MAU2: variants seen among roughly 807,000 people sequenced by gnomAD.
MAU2 encodes the protein MAU2 sister chromatid cohesion factor.
In MAU2, 9 loss-of-function variants were observed where a neutral mutation model predicts 89.1. The observed-to-expected ratio is 0.10, with a 90% confidence interval of 0.06 to 0.18. The LOEUF is 0.18. Ranked by LOEUF, MAU2 falls within the 10% of genes least tolerant of loss-of-function variation. MAU2 has a pLI of 1.00. For missense variants in MAU2, 425 were observed against 803.5 expected (o/e 0.53, Z 5.69); for synonymous variants, 357 against 343.4 (o/e 1.04, Z -0.44).
intron 1 of MAU2, 77 bp downstream of exon 1, chr19:19,321,212 G>A (rs539886810): frequency 1.4e-6 from 2 of 1,403,310 alleles, no homozygotes; most frequent in Admixed American, 2.9e-5. Flanking sequence ...CGACCGCGGC[G>A]GGTGGGGGGC....
At chr19:19,321,975 C>T (rs2061461957) in intron 1 of MAU2, 1 of 151,678 alleles carries the variant, frequency 6.6e-6, no homozygotes, top group Non-Finnish European at 1.5e-5. Context: ...GAGTGGCTGT[C>T]ATTCTGCCCT....
intron 1 of MAU2, among the ~76,000 whole-genome samples, chr19:19,330,437 AAGT>A (rs1207761198): frequency 1.3e-5 from 2 of 151,432 alleles, no homozygotes; most frequent in Non-Finnish European, 2.9e-5. Flanking sequence ...CTCTACAAAA[AAGT>A]AAAACAATTA....
intron 12 of MAU2, among the ~76,000 whole-genome samples, chr19:19,346,706 C>T (rs1046076348): frequency 7.9e-5 from 12 of 152,308 alleles, no homozygotes; most frequent in African/African-American, 2.6e-4. Context: ...ATAGATTGGA[C>T]CCTCTCTTGA....
intron 5 of MAU2, among the ~76,000 whole-genome samples, chr19:19,339,350 G>A (rs2061621876): frequency 6.6e-6 from 1 of 152,086 alleles, no homozygotes; most frequent in East Asian, 1.9e-4. Context: ...GGGAGGCTGA[G>A]GCAGGAGACT....
intron 1 of MAU2, among the ~76,000 whole-genome samples, chr19:19,333,343 A>T (rs1350953700): frequency 1.3e-5 from 2 of 152,194 alleles, no homozygotes; most frequent in Non-Finnish European, 2.9e-5. Context: ...AAAATTAGCC[A>T]GACGTGGTGG....
chr19:19,331,204 TA>T (rs199942794), intron 1 of MAU2, among the ~76,000 whole-genome samples: 7,203 of 142,750 alleles, frequency 0.05, 239 homozygotes, highest in East Asian at 0.12. Flanking sequence ...ATTACAAAGT[TA>T]AAAAAAAAAA....
At chr19:19,349,757 C>G (rs1029034473) in intron 16 of MAU2, among the ~76,000 whole-genome samples, 1 of 152,172 alleles carries the variant, frequency 6.6e-6, no homozygotes, top group Non-Finnish European at 1.5e-5. Flanking sequence ...GCAGCCACCC[C>G]ATGCTATGTG....
At chr19:19,340,177 AAAAAAAT>A (rs2061630682) in intron 5 of MAU2, among the ~76,000 whole-genome samples, 1 of 148,764 alleles carries the variant, frequency 6.7e-6, no homozygotes, top group Non-Finnish European at 1.5e-5. Flanking sequence ...AAAAAAAAAA[AAAAAAAT>A]TAACCAGGCA....
At chr19:19,348,856 C>G in intron 13 of MAU2, 33 bp from the exon 14 acceptor site, 1 of 1,611,518 alleles carries the variant, frequency 6.2e-7, no homozygotes. Context: ...TGTGAAGATG[C>G]AGAATGGTGC....
intron 1 of MAU2, among the ~76,000 whole-genome samples, chr19:19,331,953 A>G (rs535308451): frequency 1.3e-5 from 2 of 152,330 alleles, no homozygotes; most frequent in Admixed American, 1.3e-4. Flanking sequence ...GAGAAATCCC[A>G]TGCCATTTAG....
intron 12 of MAU2, 145 bp from the exon 13 acceptor site, chr19:19,347,135 C>A: frequency 1.6e-6 from 1 of 628,112 alleles, no homozygotes; most frequent in Non-Finnish European, 2.9e-6. Flanking sequence ...TATCCTTGAG[C>A]TTAGGAGGCA....
rs748453368 is a variant in MAU2, at chr19:19,342,759, T to C, written c.883-17T>C. ...GAGAGGGCCCTGGTAACCCCTGCTGTCTGGTCTTGTCGCTAGGTGACTGTG... is the reference window on the plus strand; with the variant it reads ...GAGAGGGCCCTGGTAACCCCTGCTGCCTGGTCTTGTCGCTAGGTGACTGTG... On this transcript the variant is annotated splice_polypyrimidine_tract_variant and intron_variant, in intron 8 of 18. Coordinates refer to ENST00000262815, the MANE Select transcript of MAU2 (RefSeq NM_015329.4). 1.1e-5 allele frequency: 18 copies of C among 1,613,940 alleles called. No homozygotes were observed. Among genetic ancestry groups the C allele is most frequent in the Non-Finnish European group, 1.5e-5 (18 of 1,179,944 alleles).
chr19:19,324,000 T>C (rs953683484), intron 1 of MAU2, among the ~76,000 whole-genome samples: 5 of 152,344 alleles, frequency 3.3e-5, no homozygotes, highest in African/African-American at 1.2e-4. Context: ...ATTCAACAGA[T>C]ACTTGTTCAG....
chr19:19,334,045 T>C (rs2061577232), intron 1 of MAU2: 1 of 354,908 alleles, frequency 2.8e-6, no homozygotes, highest in Non-Finnish European at 3.9e-6. Flanking sequence ...TCCCTTCCAG[T>C]TGGTGGCCTT....
rs1269622543 is a variant in MAU2, at chr19:19,326,708, A to G, written c.276+5573A>G. The stretch of plus-strand genomic sequence containing the variant: ...CAAAAAAAAATATATATATGTATAT[A>G]TATATATATATACATATATATATAT... On this transcript the variant is annotated intron_variant, in intron 1 of 18. Coordinates refer to ENST00000262815, the MANE Select transcript of MAU2 (RefSeq NM_015329.4). Among the ~76,000 whole-genome samples the G allele has an allele frequency of 2.5e-5, 3 of 120,202 alleles. No homozygotes were observed. The East Asian group carries it at 7.2e-4, about 29-fold the overall frequency. 78.9% of individuals were successfully genotyped at this position (120,202 alleles called of 152,430 possible).
intron 1 of MAU2, among the ~76,000 whole-genome samples, chr19:19,331,827 G>C (rs538758716): frequency 6.6e-6 from 1 of 152,304 alleles, no homozygotes; most frequent in South Asian, 2.1e-4. Context: ...CTGGGGAATT[G>C]ACTGGCTCAC....
intron 5 of MAU2, 72 bp downstream of exon 5, chr19:19,339,011 A>T: frequency 8.3e-7 from 1 of 1,207,786 alleles, no homozygotes; most frequent in Non-Finnish European, 1.2e-6. Flanking sequence ...GTCCAGGACA[A>T]ATAACAGAAA....
intron 1 of MAU2, among the ~76,000 whole-genome samples, chr19:19,323,773 T>C (rs1430562429): frequency 4.6e-5 from 7 of 152,180 alleles, no homozygotes; most frequent in Admixed American, 3.9e-4. Context: ...CTTGAGCCAT[T>C]GTGCCCAGCG....
intron 12 of MAU2, chr19:19,346,955 C>G: frequency 3.8e-6 from 1 of 265,548 alleles, no homozygotes; most frequent in Non-Finnish European, 7.2e-6. Context: ...CTGGCTGTGG[C>G]CTGGAGGAAG....
Sources: allele counts gnomAD v4.1 joint callset (sites outside exome capture counted in the v4.1 genomes callset), GRCh38; gene constraint gnomAD v4.1.1; transcripts MANE v1.5; gene names NCBI Gene and HGNC (gene_info 2026-07-23, HGNC 2026-07-21).